Variants in CORO2B observed in about 807,000 individuals in gnomAD.
The protein encoded by CORO2B is coronin 2B, also known as coronin-2B.
CORO2B carries 26 observed loss-of-function variants against 58.8 expected under a neutral mutation model. That is an observed-to-expected ratio of 0.44 (90% confidence interval 0.32 to 0.61). CORO2B has a LOEUF of 0.61. Ranked by LOEUF, CORO2B falls within the 20% of genes least tolerant of loss-of-function variation. The pLI is 0.04. For missense variants in CORO2B, 460 were observed against 645.1 expected, an observed-to-expected ratio of 0.71 and a Z score of 3.11; for synonymous variants, 242 against 253.8, an observed-to-expected ratio of 0.95 and a Z score of 0.44.
the CORO2B span, chr15:68,559,717 G>T: frequency 1.2e-6 from 1 of 857,888 alleles, no homozygotes; most frequent in Non-Finnish European, 1.4e-6. This position sits in a 1 kb window ranked among gnomAD's most constrained non-coding sequence, Gnocchi z 4.3. Context: ...CTCCCAGGGG[G>T]ACTGTCGGTG....
chr15:68,579,375 C>CG (rs1899361823), intron 1 of CORO2B, 98 bp downstream of exon 1: 6 of 1,128,348 alleles, frequency 5.3e-6, no homozygotes, highest in Non-Finnish European at 4.4e-6. Context: ...GGGGAGGGGG[C>CG]GCCGGTGCCG....
chr15:68,726,424 A>C lies in CORO2B; in HGVS notation c.*450A>C. On this transcript the variant is annotated 3_prime_UTR_variant, in exon 12 of 12. Coordinates refer to ENST00000261861, the MANE Select transcript of CORO2B (RefSeq NM_006091.5). The stretch of plus-strand genomic sequence containing the variant: ...GAAGGTACCACAGTGTAAGTGCTGG[A>C]CTGCAGGCTGCAGTGATCCCTCTTT... 1 of 211,592 alleles carries C rather than the reference A, an allele frequency of 4.7e-6. No individual in the cohort carries two copies. The highest frequency in any genetic ancestry group is 9.5e-6 in the Non-Finnish European group (1 of 105,510). The allele number at this position is 211,592 out of a possible 1,614,324, so 13.1% of individuals were successfully genotyped here.
the CORO2B span, among the ~76,000 whole-genome samples, chr15:68,570,298 G>A: frequency 3.3e-5 from 5 of 152,200 alleles, no homozygotes; most frequent in African/African-American, 7.2e-5. Context: ...TGCATATAGA[G>A]TACTTGCATG....
chr15:68,697,430 A>G (rs1357945040), intron 3 of CORO2B, among the ~76,000 whole-genome samples: 2 of 152,208 alleles, frequency 1.3e-5, no homozygotes, highest in Non-Finnish European at 2.9e-5. Flanking sequence ...TATCCAAAGA[A>G]AGAAAGATTC....
intron 3 of CORO2B, among the ~76,000 whole-genome samples, chr15:68,705,267 A>C (rs918092309): frequency 2.0e-5 from 3 of 152,008 alleles, no homozygotes; most frequent in African/African-American, 4.8e-5. Flanking sequence ...GCGAAACCTT[A>C]TCTCTACTAA....
At chr15:68,526,139 A>G in the CORO2B span, among the ~76,000 whole-genome samples, 1 of 152,214 alleles carries the variant, frequency 6.6e-6, no homozygotes, top group African/African-American at 2.4e-5. Flanking sequence ...CATTATATGC[A>G]TGTACCACAA....
chr15:68,558,864 T>A, the CORO2B span, among the ~76,000 whole-genome samples: 1 of 152,160 alleles, frequency 6.6e-6, no homozygotes. Flanking sequence ...ACTTCCCCTC[T>A]CTGGCCTCAG....
chr15:68,558,682 C>T, the CORO2B span, among the ~76,000 whole-genome samples: 3 of 152,286 alleles, frequency 2.0e-5, no homozygotes, highest in Admixed American at 6.5e-5. Context: ...GCCTCTCTCC[C>T]CCTTGACTCC....
chr15:68,551,832 A>T, the CORO2B span, among the ~76,000 whole-genome samples: 1 of 152,232 alleles, frequency 6.6e-6, no homozygotes, highest in African/African-American at 2.4e-5. Context: ...AATGACTCTT[A>T]AAACTTCTTT....
intron 9 of CORO2B, 68 bp downstream of exon 9, chr15:68,718,878 C>A: frequency 7.3e-7 from 1 of 1,360,658 alleles, no homozygotes; most frequent in Non-Finnish European, 1.0e-6. Flanking sequence ...CACCACTGAC[C>A]ATGACCCTGG....
chr15:68,658,918 C>G (rs1259350082), intron 2 of CORO2B, among the ~76,000 whole-genome samples: 1 of 152,250 alleles, frequency 6.6e-6, no homozygotes, highest in Non-Finnish European at 1.5e-5. Context: ...GGCTTTGCAG[C>G]CAGCTTTCTC....
intron 1 of CORO2B, among the ~76,000 whole-genome samples, chr15:68,621,185 C>T (rs1385159036): frequency 6.6e-6 from 1 of 152,156 alleles, no homozygotes; most frequent in Non-Finnish European, 1.5e-5. Context: ...GTCTAATGAG[C>T]AATTGAGCAT....
rs185637966 is a variant in CORO2B, at chr15:68,632,127, T to A, written c.16-13033T>A. 5.1e-4 allele frequency: 501 copies of A among 985,524 alleles called. 2 individuals carry two copies. The African/African-American group carries it at 8.1e-3, about 16-fold the overall frequency. The allele number at this position is 985,524 out of a possible 1,614,324, so 61.0% of individuals were successfully genotyped here. On this transcript the variant is annotated intron_variant, in intron 1 of 11. Transcript: ENST00000261861. The stretch of plus-strand genomic sequence containing the variant: ...GTCAGATTCCCGTTATCTTGACTGC[T>A]GCAGCGGGGTCTCTGGGATGGTGAT...
At chr15:68,701,327 T>TCTTTTTTTTCTTTTTTTTTA (rs1892638885) in intron 3 of CORO2B, among the ~76,000 whole-genome samples, 1 of 151,564 alleles carries the variant, frequency 6.6e-6, no homozygotes, top group African/African-American at 2.4e-5. Flanking sequence ...TTCTTTTTTT[T>TCTTTTTTTTCTTTTTTTTTA]GAGAGACGGA....
chr15:68,626,736 C>A (rs1398807667), intron 1 of CORO2B, among the ~76,000 whole-genome samples: 1 of 152,148 alleles, frequency 6.6e-6, no homozygotes, highest in Non-Finnish European at 1.5e-5. Context: ...TGGGGAGAGA[C>A]CCAGGTGTCA....
At chr15:68,579,376 G>A in intron 1 of CORO2B, 99 bp downstream of exon 1, 1 of 1,126,416 alleles carries the variant, frequency 8.9e-7, no homozygotes, top group Non-Finnish European at 1.1e-6. Context: ...GGGAGGGGGC[G>A]CCGGTGCCGG....
chr15:68,696,473 T>C (rs1199788815), intron 3 of CORO2B, among the ~76,000 whole-genome samples: 3 of 141,442 alleles, frequency 2.1e-5, no homozygotes. Context: ...CACTTGAACC[T>C]GGAAGGCGGA....
chr15:68,542,911 G>T, the CORO2B span, among the ~76,000 whole-genome samples: 1 of 152,202 alleles, frequency 6.6e-6, no homozygotes, highest in South Asian at 2.1e-4. Context: ...CTCTGCTCTA[G>T]CTCTGACAAT....
intron 1 of CORO2B, among the ~76,000 whole-genome samples, chr15:68,638,336 C>A (rs1387699538): frequency 6.6e-6 from 1 of 152,172 alleles, no homozygotes. Flanking sequence ...GAGCAAGCAC[C>A]CATCCTGGGC....
Sources: allele counts gnomAD v4.1 joint callset (sites outside exome capture counted in the v4.1 genomes callset), GRCh38; gene constraint gnomAD v4.1.1; non-coding constraint Gnocchi (gnomAD v3.1); transcripts MANE v1.5; gene names NCBI Gene and HGNC (gene_info 2026-07-23, HGNC 2026-07-21).